The following SPATS2 variants were observed in gnomAD, a reference collection of about 807,000 sequenced individuals.
SPATS2 encodes spermatogenesis associated serine rich 2.
In SPATS2, 38 loss-of-function variants were observed where a neutral mutation model predicts 63.7. The observed-to-expected ratio is 0.60, with a 90% CI of 0.46 to 0.78. The LOEUF (loss-of-function observed/expected upper bound fraction) is 0.78. Ranked by LOEUF, SPATS2 falls within the 30% of genes least tolerant of loss-of-function variation. The pLI, the probability that SPATS2 is intolerant of heterozygous loss-of-function variation, is 0.00. For synonymous variants in SPATS2, 207 were observed against 232.9 expected, an observed-to-expected ratio of 0.89 and a Z score of 1.01; for missense variants, 588 against 666.2, an observed-to-expected ratio of 0.88 and a Z score of 1.29.
intron 2 of SPATS2, among the ~76,000 whole-genome samples, chr12:49,383,553 G>A (rs1460991963): frequency 6.6e-6 from 1 of 151,894 alleles, no homozygotes; most frequent in Non-Finnish European, 1.5e-5. Context: ...TAGGACTACA[G>A]GCCATGCTTG....
chr12:49,448,146 T>G (rs1945549108), intron 2 of SPATS2, among the ~76,000 whole-genome samples: 1 of 150,626 alleles, frequency 6.6e-6, no homozygotes, highest in Non-Finnish European at 1.5e-5. Context: ...CTTTCTTTTT[T>G]TTTTTTTTTT....
chr12:49,522,312 A>ATCTT (rs1946954933), intron 11 of SPATS2, among the ~76,000 whole-genome samples: 1 of 152,206 alleles, frequency 6.6e-6, no homozygotes, highest in Admixed American at 6.5e-5. Context: ...TTATAAAGAG[A>ATCTT]TGAAGTAGGT....
chr12:49,377,389 T>C (rs1004831394), intron 2 of SPATS2, among the ~76,000 whole-genome samples: 5 of 152,146 alleles, frequency 3.3e-5, no homozygotes, highest in Non-Finnish European at 7.4e-5. Context: ...ATGAAAAAGC[T>C]TCTGAAAAAA....
rs1946896388 is a variant in SPATS2 at position 49,519,126 on chromosome 12, CAT to C, written c.953_954del (p.His318ArgfsTer12). 3.1e-6 allele frequency: 5 copies of C among 1,614,140 alleles called. No individual in the cohort carries two copies. The highest frequency in any genetic ancestry group is 4.2e-6 in the Non-Finnish European group (5 of 1,180,000). On this transcript the variant is annotated frameshift_variant, in exon 11 of 14. Coordinates refer to ENST00000552918, the MANE Select transcript of SPATS2 (RefSeq NM_023071.4). LOFTEE classifies it high-confidence loss of function. ...GGCTGAACTTCTAAAGAAGATGACT[CAT>C]GTGGCTGTTCAAATGTCAGAGCAGC... is the stretch of plus-strand genomic sequence containing the variant. Reference protein sequence around the residue: ...KKAELLKKMTHVAVQMSEQQL... With the variant: ...KKAELLKKMTXVAVQMSEQQL...
At chr12:49,437,345 C>G (rs1233887301) in intron 2 of SPATS2, among the ~76,000 whole-genome samples, 1 of 149,774 alleles carries the variant, frequency 6.7e-6, no homozygotes, top group Non-Finnish European at 1.5e-5. Context: ...ACTTTCCAGA[C>G]TGGGCAGCCA....
intron 2 of SPATS2, among the ~76,000 whole-genome samples, chr12:49,378,910 T>TTTTTA (rs1382356816): frequency 2.0e-5 from 3 of 151,218 alleles, no homozygotes; most frequent in East Asian, 2.0e-4. Context: ...TATTTTATTA[T>TTTTTA]TTTTATTTTA....
At chr12:49,466,288 G>A (rs928520133) in intron 3 of SPATS2, among the ~76,000 whole-genome samples, 6 of 151,818 alleles carry the variant, frequency 4.0e-5, no homozygotes, top group African/African-American at 9.7e-5. Flanking sequence ...TCAGCCTCCT[G>A]AGTAGCTGGG....
At chr12:49,440,841 A>T (rs536314371) in intron 2 of SPATS2, among the ~76,000 whole-genome samples, 1 of 152,244 alleles carries the variant, frequency 6.6e-6, no homozygotes, top group South Asian at 2.1e-4. Flanking sequence ...TTATGATTAG[A>T]TTCAGATTAT....
At chr12:49,519,884 G>A (rs559253763) in intron 11 of SPATS2, among the ~76,000 whole-genome samples, 363 of 149,774 alleles carry the variant, frequency 2.4e-3, no homozygotes, top group Middle Eastern at 6.8e-3. Flanking sequence ...GTGCCATCTC[G>A]GTTCACTGCA....
chr12:49,415,199 G>A (rs1031257988), intron 2 of SPATS2, among the ~76,000 whole-genome samples: 1 of 151,468 alleles, frequency 6.6e-6, no homozygotes, highest in African/African-American at 2.4e-5. Flanking sequence ...CAAAGTGCTG[G>A]GATTACAGGC....
At chr12:49,477,040 G>A (rs1188829514) in intron 3 of SPATS2, among the ~76,000 whole-genome samples, 1 of 151,698 alleles carries the variant, frequency 6.6e-6, no homozygotes, top group African/African-American at 2.4e-5. Flanking sequence ...GGGAGGCGGA[G>A]GTTGCAGTGA....
intron 3 of SPATS2, among the ~76,000 whole-genome samples, chr12:49,481,500 C>G (rs2137815623): frequency 2.8e-5 from 3 of 108,858 alleles, no homozygotes; most frequent in Admixed American, 1.3e-4. Flanking sequence ...TGGAGTCTTG[C>G]TCTGTCGCCC....
intron 1 of SPATS2, among the ~76,000 whole-genome samples, chr12:49,369,189 G>A (rs1301489439): frequency 6.6e-6 from 1 of 151,898 alleles, no homozygotes; most frequent in Non-Finnish European, 1.5e-5. Context: ...CAGCACGCCT[G>A]GCTAATTTTT....
rs1241768116 is a variant in SPATS2 at position 49,367,518 on chromosome 12, A to C, written c.-376A>C. On this transcript the variant is annotated 5_prime_UTR_variant, in exon 1 of 14. Coordinates refer to ENST00000552918, the MANE Select transcript of SPATS2 (RefSeq NM_023071.4). ...GTGGAGGATCTCCTTTCCTCTTCTC[A>C]GACCCGGGAGCGTCCGGGACGCGGA... The C allele has an allele frequency of 3.0e-5, 12 of 397,984 alleles. No individual in the cohort carries two copies. The Admixed American group carries it at 4.4e-4, about 15-fold the overall frequency. 24.7% of individuals were successfully genotyped at this position (397,984 alleles called of 1,614,324 possible).
chr12:49,458,649 G>A (rs1041199917), intron 2 of SPATS2, among the ~76,000 whole-genome samples: 10 of 151,742 alleles, frequency 6.6e-5, no homozygotes. Context: ...GCATGGTGGT[G>A]CATGCCTACA....
intron 2 of SPATS2, among the ~76,000 whole-genome samples, chr12:49,444,357 G>A (rs569866432): frequency 1.0e-3 from 153 of 151,832 alleles, no homozygotes; most frequent in Non-Finnish European, 1.8e-3. Context: ...AGCTGGGACT[G>A]TAGTTGCACG....
chr12:49,503,949 C>T (rs77857014), intron 9 of SPATS2, among the ~76,000 whole-genome samples: 13,920 of 152,170 alleles, frequency 0.091, 755 homozygotes, highest in African/African-American at 0.14. Flanking sequence ...GTCAATTTAA[C>T]TTGAGGAAAG....
chr12:49,372,981 T>TGTGA (rs1389238672), intron 2 of SPATS2, among the ~76,000 whole-genome samples: 1 of 133,604 alleles, frequency 7.5e-6, no homozygotes, highest in African/African-American at 3.0e-5. Context: ...TGTGTGTGTG[T>TGTGA]GTGTGTGTGT....
At chr12:49,459,744 C>A (rs1462252374) in intron 2 of SPATS2, among the ~76,000 whole-genome samples, 1 of 117,666 alleles carries the variant, frequency 8.5e-6, no homozygotes, top group Admixed American at 8.0e-5. Context: ...TTCACGTCCC[C>A]CCCCCCCCCC....
Sources: allele counts gnomAD v4.1 joint callset (sites outside exome capture counted in the v4.1 genomes callset), GRCh38; gene constraint gnomAD v4.1.1; transcripts MANE v1.5; gene names NCBI Gene and HGNC (gene_info 2026-07-23, HGNC 2026-07-21).